Variants in AJAP1 observed in about 807,000 individuals in gnomAD.
The protein encoded by AJAP1 is adherens junction-associated protein 1.
In AJAP1, 5 loss-of-function variants were observed where a neutral mutation model predicts 35.0. The observed-to-expected ratio is 0.14, with a 90% CI of 0.07 to 0.30. The LOEUF is 0.30. AJAP1 is among the 10% of genes least tolerant of loss of function. AJAP1 has a pLI of 1.00. For missense variants in AJAP1, 586 were observed against 571.0 expected, an observed-to-expected ratio of 1.03 and a Z score of -0.27; for synonymous variants, 284 against 249.3, an observed-to-expected ratio of 1.14 and a Z score of -1.31.
At chr1:4,763,187 C>A (rs747629358) in intron 2 of AJAP1, among the ~76,000 whole-genome samples, 13 of 152,190 alleles carry the variant, frequency 8.5e-5, no homozygotes, top group Middle Eastern at 3.2e-3. Context: ...CCACTCCCAC[C>A]CACAGCTGTG....
At chr1:4,758,701 C>T (rs1641495102) in intron 2 of AJAP1, among the ~76,000 whole-genome samples, 1 of 152,180 alleles carries the variant, frequency 6.6e-6, no homozygotes, top group Admixed American at 6.5e-5. Context: ...CTAACCATCT[C>T]AGGAGGTCCT....
intron 2 of AJAP1, among the ~76,000 whole-genome samples, chr1:4,718,038 A>G (rs1444119388): frequency 6.6e-6 from 1 of 152,182 alleles, no homozygotes; most frequent in Non-Finnish European, 1.5e-5. Context: ...GAGCGCTGCA[A>G]AAGATCCTAA....
At chr1:4,751,527 A>G (rs1322867316) in intron 2 of AJAP1, among the ~76,000 whole-genome samples, 1 of 152,202 alleles carries the variant, frequency 6.6e-6, no homozygotes. Flanking sequence ...CCAAGTATTT[A>G]TGATGTGGCT....
chr1:4,679,443 C>T (rs1639428277), intron 1 of AJAP1, among the ~76,000 whole-genome samples: 1 of 152,188 alleles, frequency 6.6e-6, no homozygotes, highest in African/African-American at 2.4e-5. Flanking sequence ...GGCCTCAGAT[C>T]ATAAGTGACC....
intron 1 of AJAP1, among the ~76,000 whole-genome samples, chr1:4,677,789 G>A (rs1441038702): frequency 1.3e-5 from 2 of 152,156 alleles, no homozygotes; most frequent in Admixed American, 6.5e-5. Context: ...TCAGAAGCCA[G>A]TAGCTAAATA....
intron 2 of AJAP1, among the ~76,000 whole-genome samples, chr1:4,717,004 G>A (rs1021034084): frequency 3.3e-5 from 5 of 152,200 alleles, no homozygotes; most frequent in Non-Finnish European, 7.3e-5. Flanking sequence ...CACTGGCAGA[G>A]TGTGACCGTC....
intron 5 of AJAP1, among the ~76,000 whole-genome samples, chr1:4,778,553 AG>A (rs1413021666): frequency 2.7e-5 from 4 of 149,258 alleles, no homozygotes; most frequent in Non-Finnish European, 5.9e-5. Context: ...TGGTCATTCA[AG>A]GTGCAGGATT....
intron 2 of AJAP1, among the ~76,000 whole-genome samples, chr1:4,718,932 T>A (rs1329501360): frequency 6.6e-6 from 1 of 152,158 alleles, no homozygotes; most frequent in Admixed American, 6.5e-5. Flanking sequence ...TGGAAACCAG[T>A]CTCCTTTAAG....
rs181512354 is a variant in AJAP1, at chr1:4,791,957, T to C, written c.*9472T>C. ...GAAGCTGAACCACAGGACAAGAAAT[T>C]AAACAGCAACGGCCACATGGCCTCT... On this transcript the variant is annotated 3_prime_UTR_variant, in exon 6 of 6. Transcript: ENST00000378191. The C allele has an allele frequency of 6.6e-6, 1 of 152,188 alleles. No homozygotes were observed. Among genetic ancestry groups the C allele is most frequent in the Non-Finnish European group, 1.5e-5 (1 of 68,034 alleles). 9.4% of individuals were successfully genotyped at this position (152,188 alleles called of 1,614,324 possible). A position where few individuals can be genotyped will look rare whatever the true frequency, so the allele number is the denominator to read the frequency against.
At chr1:4,662,684 G>C (rs1039166313) in intron 1 of AJAP1, among the ~76,000 whole-genome samples, 2 of 152,214 alleles carry the variant, frequency 1.3e-5, no homozygotes, top group African/African-American at 4.8e-5. Flanking sequence ...CGGGCTAGGC[G>C]CCCGTGGTCC....
intron 2 of AJAP1, among the ~76,000 whole-genome samples, chr1:4,766,413 G>T (rs1324958998): frequency 6.6e-6 from 1 of 152,180 alleles, no homozygotes; most frequent in African/African-American, 2.4e-5. Flanking sequence ...AACACCACAC[G>T]ACTTCTCCCA....
intron 2 of AJAP1, among the ~76,000 whole-genome samples, chr1:4,744,276 C>A (rs962690973): frequency 1.3e-5 from 2 of 152,220 alleles, no homozygotes; most frequent in Non-Finnish European, 2.9e-5. Context: ...TCACACGGAA[C>A]CCTCCGTTTG....
intron 5 of AJAP1, among the ~76,000 whole-genome samples, chr1:4,776,106 C>T (rs550117285): frequency 2.6e-5 from 4 of 152,374 alleles, no homozygotes; most frequent in Admixed American, 2.0e-4. Flanking sequence ...CCAAGAGCCA[C>T]AGACCCACAG....
At chr1:4,745,037 C>G (rs1641158696) in intron 2 of AJAP1, among the ~76,000 whole-genome samples, 1 of 152,150 alleles carries the variant, frequency 6.6e-6, no homozygotes, top group South Asian at 2.1e-4. Flanking sequence ...GAAGGAAGCC[C>G]TCAGACAGAG....
At chr1:4,663,639 A>T (rs944126174) in intron 1 of AJAP1, among the ~76,000 whole-genome samples, 2 of 151,950 alleles carry the variant, frequency 1.3e-5, no homozygotes, top group East Asian at 1.9e-4. Flanking sequence ...ATGAGTGTGG[A>T]TGAGGGTCTC....
intron 1 of AJAP1, among the ~76,000 whole-genome samples, chr1:4,696,211 A>AT (rs1639855840): frequency 6.6e-6 from 1 of 152,162 alleles, no homozygotes; most frequent in Non-Finnish European, 1.5e-5. Flanking sequence ...TCATTCAGAA[A>AT]TGTAGGCTTT....
intron 1 of AJAP1, chr1:4,711,100 A>G (rs1433544906): frequency 2.0e-5 from 3 of 152,276 alleles, no homozygotes; most frequent in Admixed American, 6.5e-5. Flanking sequence ...CGGAAATGTC[A>G]ACAGAACAGA....
At position 4,790,916 on chromosome 1, in the gene AJAP1, TTTTTTGTTTTTG is replaced by T. The variant is rs3086642; in HGVS notation, c.*8460_*8471del. The T allele has an allele frequency of 6.3e-4, 94 of 149,212 alleles. 1 individual carries two copies. Among genetic ancestry groups the T allele is most frequent in the Admixed American group, 1.7e-3 (26 of 14,918 alleles). The allele number at this position is 149,212 out of a possible 1,614,324, so 9.2% of individuals were successfully genotyped here. A position where few individuals can be genotyped will look rare whatever the true frequency, so the allele number is the denominator to read the frequency against. ...CTGGTCTTCTCAGAAGTGTTTCTGT[TTTTTTGTTTTTG>T]TTTTTGTTTTTGTTTTTGTTTTTGT... On this transcript the variant is annotated 3_prime_UTR_variant, in exon 6 of 6. Transcript: ENST00000378191.
chr1:4,735,970 T>C (rs1437717829), intron 2 of AJAP1, among the ~76,000 whole-genome samples: 1 of 152,208 alleles, frequency 6.6e-6, no homozygotes, highest in African/African-American at 2.4e-5. Context: ...GGGTTGGCGC[T>C]GAGGTTCCTT....
Sources: allele counts gnomAD v4.1 joint callset (sites outside exome capture counted in the v4.1 genomes callset), GRCh38; gene constraint gnomAD v4.1.1; transcripts MANE v1.5; gene names NCBI Gene and HGNC (gene_info 2026-07-23, HGNC 2026-07-21).